CACUL1: variants seen among roughly 807,000 people sequenced by gnomAD.
CACUL1 encodes CDK2 associated cullin domain 1, also known as CDK2-associated and cullin domain-containing protein 1.
A neutral mutation model predicts 45.2 loss-of-function variants in CACUL1; 13 were observed. The observed-to-expected ratio is 0.29, with a 90% CI of 0.19 to 0.46. The LOEUF (loss-of-function observed/expected upper bound fraction) is 0.46, where lower values mean the gene tolerates loss of function less well. Ranked by LOEUF, CACUL1 falls within the 20% of genes least tolerant of loss-of-function variation. The pLI is 1.00. For synonymous variants in CACUL1, 197 were observed against 174.2 expected (o/e 1.13, Z -1.03); for missense variants, 421 against 471.4 (o/e 0.89, Z 0.99).
rs534406064 is a variant in CACUL1, at chr10:118,719,760, G to A, written c.597+9535C>T. ...CTGGAGGCGGAGGTTGCGGTGAGCC[G>A]AGATGGCACCATTGCACTCCAGCCT... On this transcript the variant is annotated intron_variant, in intron 3 of 8. Coordinates refer to ENST00000369151, the MANE Select transcript of CACUL1 (RefSeq NM_153810.5). Among the ~76,000 whole-genome samples, 14 of 151,684 alleles carry A rather than the reference G, an allele frequency of 9.2e-5. No individual in the cohort carries two copies. The South Asian group carries it at 1.2e-3, about 13-fold the overall frequency.
chr10:118,688,097 C>A (rs538450462), intron 7 of CACUL1, among the ~76,000 whole-genome samples: 3 of 152,316 alleles, frequency 2.0e-5, no homozygotes, highest in African/African-American at 7.2e-5. Flanking sequence ...AGGACCAGGG[C>A]AGAAACCTCT....
chr10:118,699,332 A>C (rs538573556), intron 5 of CACUL1, among the ~76,000 whole-genome samples: 38 of 152,374 alleles, frequency 2.5e-4, no homozygotes, highest in African/African-American at 9.1e-4. Flanking sequence ...AAAAAGGTAT[A>C]TCCACCTTTA....
intron 3 of CACUL1, among the ~76,000 whole-genome samples, chr10:118,715,301 G>A (rs1252405084): frequency 1.3e-5 from 2 of 152,172 alleles, no homozygotes; most frequent in Non-Finnish European, 2.9e-5. Flanking sequence ...CTTCACAGAA[G>A]GGAAGGGGAA....
chr10:118,735,103 T>C (rs1287042288), intron 1 of CACUL1, among the ~76,000 whole-genome samples: 2 of 152,176 alleles, frequency 1.3e-5, no homozygotes, highest in Non-Finnish European at 2.9e-5. Flanking sequence ...ACATGGTAGG[T>C]ACCCAGTAAC....
At chr10:118,717,658 TA>T (rs1246899197) in intron 3 of CACUL1, among the ~76,000 whole-genome samples, 1 of 152,104 alleles carries the variant, frequency 6.6e-6, no homozygotes, top group African/African-American at 2.4e-5. Flanking sequence ...TTGGTGATGG[TA>T]GTCATAAAAG....
intron 1 of CACUL1, among the ~76,000 whole-genome samples, chr10:118,747,826 T>C (rs1845859338): frequency 6.6e-6 from 1 of 152,158 alleles, no homozygotes; most frequent in Non-Finnish European, 1.5e-5. Flanking sequence ...AGTTTACAAC[T>C]GTAATCCCAG....
chr10:118,730,795 A>T (rs1015132001), intron 1 of CACUL1, among the ~76,000 whole-genome samples: 12 of 152,186 alleles, frequency 7.9e-5, no homozygotes, highest in Non-Finnish European at 1.8e-4. Context: ...ACCACAGGAA[A>T]ATTTGGAGAA....
intron 5 of CACUL1, among the ~76,000 whole-genome samples, chr10:118,700,434 G>A (rs147096106): frequency 1.4e-3 from 217 of 152,044 alleles, no homozygotes; most frequent in Admixed American, 2.4e-3. Flanking sequence ...GGGAAGAGGA[G>A]AGGCCAGGTG....
At chr10:118,694,673 CT>C (rs1326799017) in intron 6 of CACUL1, among the ~76,000 whole-genome samples, 2 of 152,142 alleles carry the variant, frequency 1.3e-5, no homozygotes, top group East Asian at 3.9e-4. Context: ...CTATAGTGAT[CT>C]TTGGTATTTG....
At chr10:118,696,824 G>T (rs1449802672) in intron 5 of CACUL1, among the ~76,000 whole-genome samples, 2 of 152,174 alleles carry the variant, frequency 1.3e-5, no homozygotes, top group Non-Finnish European at 2.9e-5. Context: ...GGTTTTCAAA[G>T]TTCTCTCTAT....
At chr10:118,693,157 T>C (rs932155860) in intron 6 of CACUL1, 1 of 152,236 alleles carries the variant, frequency 6.6e-6, no homozygotes, top group African/African-American at 2.4e-5. Context: ...TCTCCAAGGA[T>C]TACAGCCCAG....
chr10:118,692,312 G>C (rs1456594648), intron 6 of CACUL1: 1 of 151,842 alleles, frequency 6.6e-6, no homozygotes, highest in Admixed American at 6.6e-5. Flanking sequence ...AAGCTCAGGA[G>C]ACTATAGAAA....
At chr10:118,751,205 AT>A (rs1309089689) in intron 1 of CACUL1, among the ~76,000 whole-genome samples, 1 of 152,112 alleles carries the variant, frequency 6.6e-6, no homozygotes, top group Non-Finnish European at 1.5e-5. Context: ...GGCACTGTAA[AT>A]ATCTTCTCTA....
intron 3 of CACUL1, among the ~76,000 whole-genome samples, chr10:118,709,758 T>C (rs1003414981): frequency 1.3e-5 from 2 of 152,236 alleles, no homozygotes; most frequent in East Asian, 3.8e-4. Flanking sequence ...TTTGATACTA[T>C]TTTCAAATAA....
At chr10:118,708,266 G>A (rs1301034478) in intron 3 of CACUL1, among the ~76,000 whole-genome samples, 1 of 152,092 alleles carries the variant, frequency 6.6e-6, no homozygotes, top group Non-Finnish European at 1.5e-5. Context: ...TGAGTTGGGA[G>A]GATATTCAAC....
At chr10:118,750,234 G>A (rs1322296532) in intron 1 of CACUL1, among the ~76,000 whole-genome samples, 1 of 152,064 alleles carries the variant, frequency 6.6e-6, no homozygotes, top group African/African-American at 2.4e-5. Context: ...GCTGAGGCAG[G>A]AGAATTGCTT....
At chr10:118,715,494 T>C (rs879410202) in intron 3 of CACUL1, among the ~76,000 whole-genome samples, 1 of 152,228 alleles carries the variant, frequency 6.6e-6, no homozygotes, top group African/African-American at 2.4e-5. Context: ...TCTGTGGTGA[T>C]GGGAATGTTC....
chr10:118,702,707 G>A (rs1343419863), intron 4 of CACUL1, among the ~76,000 whole-genome samples: 1 of 151,056 alleles, frequency 6.6e-6, no homozygotes, highest in African/African-American at 2.4e-5. Flanking sequence ...TCAGCCTCCC[G>A]AGTAGCTTGG....
Position 118,679,020 on chromosome 10 carries a change from G to T in CACUL1, c.*7108C>A, listed in dbSNP as rs1318390766. On this transcript the variant is annotated 3_prime_UTR_variant, in exon 9 of 9. Coordinates refer to ENST00000369151, the MANE Select transcript of CACUL1 (RefSeq NM_153810.5). ...TGTAGTGTGTTCATTTTTCCTTTTT[G>T]TAGTTTTCTTTTAACTTTTTAAATA... 2 of 152,020 alleles carry T rather than the reference G, an allele frequency of 1.3e-5. No homozygotes were observed. Among genetic ancestry groups the T allele is most frequent in the South Asian group, 2.1e-4 (1 of 4,826 alleles). 9.4% of individuals were successfully genotyped at this position (152,020 alleles called of 1,614,324 possible). A position where few individuals can be genotyped will look rare whatever the true frequency, so the allele number is the denominator to read the frequency against.
Sources: gnomAD v4.1 joint callset for allele counts (sites outside exome capture counted in the v4.1 genomes callset) on GRCh38, gnomAD v4.1.1 for gene constraint, MANE v1.5 for transcripts, NCBI Gene and HGNC (gene_info 2026-07-23, HGNC 2026-07-21) for gene names.